The following MVB12B variants were observed in gnomAD, a reference collection of about 807,000 sequenced individuals.
MVB12B encodes ESCRT-I complex subunit MVB12B.
A neutral mutation model predicts 41.6 loss-of-function variants in MVB12B; 16 were observed. That is an observed-to-expected ratio of 0.38 (90% CI 0.26 to 0.58). MVB12B has a LOEUF of 0.58. Ranked by LOEUF, MVB12B falls within the 20% of genes least tolerant of loss-of-function variation. MVB12B has a pLI of 0.62. For missense variants in MVB12B, 274 were observed against 380.2 expected (o/e 0.72, Z 2.32); for synonymous variants, 133 against 139.7 (o/e 0.95, Z 0.34).
chr9:126,390,541 G>T (rs937418788), intron 4 of MVB12B, among the ~76,000 whole-genome samples: 5 of 152,222 alleles, frequency 3.3e-5, no homozygotes, highest in African/African-American at 1.2e-4. Flanking sequence ...TTACTCTAAG[G>T]CTTGATAAGT....
chr9:126,484,122 A>T, intron 9 of MVB12B, 90 bp downstream of exon 9: 6 of 1,219,702 alleles, frequency 4.9e-6, no homozygotes, highest in Non-Finnish European at 7.2e-6. Flanking sequence ...GATCCACTCC[A>T]AGAGAGGGAC....
intron 7 of MVB12B, among the ~76,000 whole-genome samples, chr9:126,451,370 A>G (rs897195078): frequency 6.6e-6 from 1 of 152,198 alleles, no homozygotes; most frequent in Non-Finnish European, 1.5e-5. Context: ...ACTCTCTCAA[A>G]GGCCTAGGCC....
chr9:126,386,547 T>C lies in MVB12B; in HGVS notation c.313-15T>C, dbSNP rs1448525292. The C allele has an allele frequency of 1.9e-6, 3 of 1,604,064 alleles. No individual in the cohort carries two copies. Among genetic ancestry groups the C allele is most frequent in the African/African-American group, 2.7e-5 (2 of 74,684 alleles). On this transcript the variant is annotated splice_polypyrimidine_tract_variant and intron_variant, in intron 3 of 9. Transcript: ENST00000361171. The surrounding 1 kb of genome is among the most constrained non-coding windows in gnomAD (Gnocchi z 4.3). ...TTCAGATTAATAGTCTGTATCTCTT[T>C]TCTTTCTTCCCAAGAGTCATCTGGG...
rs1480375292 is a variant in MVB12B, at chr9:126,473,160, G to A, written c.758-8209G>A. ...ACCACAGCCCGCAGAGGCAGCTGTA[G>A]TATTATGCCCACCTTACAGACAGGG... is the stretch of plus-strand genomic sequence containing the variant. On this transcript the variant is annotated intron_variant, in intron 7 of 9. Transcript: ENST00000361171. This position sits in a 1 kb window ranked among gnomAD's most constrained non-coding sequence, Gnocchi z 4.0. Among the ~76,000 whole-genome samples the A allele has an allele frequency of 6.6e-6, 1 of 152,148 alleles. No individual in the cohort carries two copies. The highest frequency in any genetic ancestry group is 6.5e-5 in the Admixed American group (1 of 15,282).
At chr9:126,462,842 T>G (rs1833116753) in intron 7 of MVB12B, among the ~76,000 whole-genome samples, 2 of 152,222 alleles carry the variant, frequency 1.3e-5, no homozygotes, top group African/African-American at 4.8e-5. Flanking sequence ...CCATTTCCCC[T>G]GACAGGCTTA....
chr9:126,368,075 G>A (rs991631202), intron 2 of MVB12B, among the ~76,000 whole-genome samples: 3 of 152,222 alleles, frequency 2.0e-5, no homozygotes, highest in African/African-American at 7.2e-5. Context: ...GGGAAGCAGT[G>A]GTTTCCGATG....
intron 7 of MVB12B, among the ~76,000 whole-genome samples, chr9:126,464,356 G>A (rs987079365): frequency 6.6e-6 from 1 of 152,214 alleles, no homozygotes. Flanking sequence ...AAAGTGGTTA[G>A]CAGGCCAGAA....
Position 126,326,974 on chromosome 9 carries a change from G to A in MVB12B, c.45G>A (p.Pro15=), listed in dbSNP as rs1259366628. 2.7e-5 allele frequency: 7 copies of A among 258,510 alleles called. No individual in the cohort carries two copies. Among genetic ancestry groups the A allele is most frequent in the Admixed American group, 4.6e-5 (1 of 21,920 alleles). 16.0% of individuals were successfully genotyped at this position (258,510 alleles called of 1,614,324 possible). ...FCVRRSRDPP[P]PQPPPPPPQR... ...TGAGACGGAGCCGGGACCCGCCGCC[G>A]CCGCAGCCACCGCCGCCGCCGCCCC... The change falls in exon 1 of 10, where the codon CCG becomes CCA. Residue 15 remains proline, a synonymous_variant. Coordinates refer to ENST00000361171, the MANE Select transcript of MVB12B (RefSeq NM_033446.3).
intron 6 of MVB12B, among the ~76,000 whole-genome samples, chr9:126,407,291 G>A (rs541829525): frequency 5.3e-5 from 8 of 152,154 alleles, no homozygotes; most frequent in South Asian, 2.1e-4. Context: ...TGGGAGACAC[G>A]TCAGGGAGAG....
At chr9:126,359,417 T>C (rs1829969904) in intron 2 of MVB12B, among the ~76,000 whole-genome samples, 1 of 152,210 alleles carries the variant, frequency 6.6e-6, no homozygotes, top group African/African-American at 2.4e-5. Context: ...TGGTCTCATA[T>C]ACTGAGTTGA....
chr9:126,399,845 C>T (rs868222709), intron 6 of MVB12B, among the ~76,000 whole-genome samples: 1 of 152,218 alleles, frequency 6.6e-6, no homozygotes, highest in Non-Finnish European at 1.5e-5. Flanking sequence ...GGTGAGCTGA[C>T]GTGCTGAATG....
intron 9 of MVB12B, among the ~76,000 whole-genome samples, chr9:126,498,295 G>T (rs1833880054): frequency 6.6e-6 from 1 of 152,150 alleles, no homozygotes; most frequent in African/African-American, 2.4e-5. Flanking sequence ...AGACAGGTGG[G>T]GCTGCTGTAC....
Position 126,473,691 on chromosome 9 carries a change from C to T in MVB12B, c.758-7678C>T, listed in dbSNP as rs1177375052. 3.3e-5 allele frequency among the ~76,000 whole-genome samples: 5 copies of T among 152,198 alleles called. No homozygotes were observed. Among genetic ancestry groups the T allele is most frequent in the Admixed American group, 1.3e-4 (2 of 15,278 alleles). The stretch of plus-strand genomic sequence containing the variant: ...ACTCGCTATCACAAGGACAGCACCA[C>T]GGGGAAGCTGCTAAACCATCCACAA... On this transcript the variant is annotated intron_variant, in intron 7 of 9. Transcript: ENST00000361171. The surrounding 1 kb of genome is among the most constrained non-coding windows in gnomAD (Gnocchi z 4.0).
intron 6 of MVB12B, among the ~76,000 whole-genome samples, chr9:126,411,953 TAGTC>T (rs1290325088): frequency 6.6e-6 from 1 of 152,192 alleles, no homozygotes; most frequent in African/African-American, 2.4e-5. Context: ...ATTCGAGTGT[TAGTC>T]AGGCCCTTCC....
chr9:126,388,415 C>T (rs10987264), intron 4 of MVB12B, among the ~76,000 whole-genome samples: 1 of 152,130 alleles, frequency 6.6e-6, no homozygotes, highest in African/African-American at 2.4e-5. Flanking sequence ...TATGGATATA[C>T]CACATTTTGG....
chr9:126,379,961 G>A (rs368096455), intron 2 of MVB12B, among the ~76,000 whole-genome samples: 25 of 152,316 alleles, frequency 1.6e-4, no homozygotes, highest in African/African-American at 5.1e-4. Context: ...CAGGATGGGC[G>A]GGAGCTTGTC....
intron 6 of MVB12B, among the ~76,000 whole-genome samples, chr9:126,409,682 C>T (rs1023000654): frequency 6.6e-6 from 1 of 152,196 alleles, no homozygotes; most frequent in African/African-American, 2.4e-5. Flanking sequence ...CACCCCACAG[C>T]ATCAGAGACT....
chr9:126,441,290 C>G (rs762554389), intron 7 of MVB12B, among the ~76,000 whole-genome samples: 2 of 152,148 alleles, frequency 1.3e-5, no homozygotes, highest in Non-Finnish European at 2.9e-5. Flanking sequence ...GAGAGAGGCA[C>G]GGATCCCAGA....
At chr9:126,327,195 C>T (rs1829005834) in intron 1 of MVB12B, 185 bp downstream of exon 1, 8 of 963,502 alleles carry the variant, frequency 8.3e-6, no homozygotes, top group Non-Finnish European at 9.9e-6. Context: ...TTGCAGAGCC[C>T]CGAGCGCGCC....
Sources: gnomAD v4.1 joint callset for allele counts (sites outside exome capture counted in the v4.1 genomes callset) on GRCh38, gnomAD v4.1.1 for gene constraint, Gnocchi (gnomAD v3.1) non-coding constraint, MANE v1.5 for transcripts, NCBI Gene and HGNC (gene_info 2026-07-23, HGNC 2026-07-21) for gene names.